FBXO11: variants seen among roughly 807,000 people sequenced by gnomAD.
The protein encoded by FBXO11 is F-box only protein 11.
In FBXO11, 13 loss-of-function variants were observed where a neutral mutation model predicts 117.0. That is an observed-to-expected ratio of 0.11 (90% confidence interval 0.07 to 0.18). The LOEUF is 0.18. FBXO11 is among the 10% of genes least tolerant of loss of function. The pLI is 1.00. For synonymous variants in FBXO11, 490 were observed against 380.5 expected (o/e 1.29, Z -3.35); for missense variants, 767 against 1,164.4 (o/e 0.66, Z 4.97).
intron 1 of FBXO11, among the ~76,000 whole-genome samples, chr2:47,880,161 A>G (rs1173583301): frequency 6.6e-6 from 1 of 151,966 alleles, no homozygotes; most frequent in Admixed American, 6.6e-5. Context: ...ATGTCCAGCT[A>G]ATTTTTTTGT....
At position 47,822,219 on chromosome 2, in the gene FBXO11, A is replaced by G. The variant is rs753056273; in HGVS notation, c.1701T>C (p.Tyr567=). ...TATAGAACAAAACCATACGCTTACC[A>G]TAAATGTCATTTCCTTCAATAAGGC... ...GRGLIEGNDI[Y]GNALAGIQIR... Residue 567 remains tyrosine (Y), a splice_region_variant and synonymous_variant, in exon 13 of 23, where the codon TAT becomes TAC. Transcript: ENST00000403359. 2 of 1,582,290 alleles carry G rather than the reference A, an allele frequency of 1.3e-6. No individual in the cohort carries two copies. Among genetic ancestry groups the G allele is most frequent in the Non-Finnish European group, 8.6e-7 (1 of 1,161,054 alleles).
intron 1 of FBXO11, among the ~76,000 whole-genome samples, chr2:47,841,245 TAA>T (rs1672990965): frequency 6.6e-6 from 1 of 152,054 alleles, no homozygotes; most frequent in Non-Finnish European, 1.5e-5. Flanking sequence ...TAACACCAAA[TAA>T]GCAAACACTT....
chr2:47,860,698 C>G (rs890830459), intron 1 of FBXO11, among the ~76,000 whole-genome samples: 1 of 151,698 alleles, frequency 6.6e-6, no homozygotes, highest in African/African-American at 2.4e-5. Context: ...TGAGCCACCA[C>G]GCCCAGCCTA....
At chr2:47,819,465 T>C (rs930450789) in intron 14 of FBXO11, among the ~76,000 whole-genome samples, 1 of 152,206 alleles carries the variant, frequency 6.6e-6, no homozygotes, top group Admixed American at 6.5e-5. Flanking sequence ...CCACCCGCGT[T>C]GGCCTCCCAA....
intron 1 of FBXO11, among the ~76,000 whole-genome samples, chr2:47,860,188 A>G (rs1309349099): frequency 6.6e-6 from 1 of 152,172 alleles, no homozygotes; most frequent in Non-Finnish European, 1.5e-5. Flanking sequence ...TCTTAGTGTT[A>G]AATGAAACTG....
At chr2:47,874,867 C>CTTTTTTTTTTTTTTTT (rs377037169) in intron 1 of FBXO11, among the ~76,000 whole-genome samples, 1 of 128,898 alleles carries the variant, frequency 7.8e-6, no homozygotes, top group Non-Finnish European at 1.6e-5. Flanking sequence ...TGTCTCAGGA[C>CTTTTTTTTTTTTTTTT]TTTTTTTTTT....
At chr2:47,845,978 C>T (rs2134056) in intron 1 of FBXO11, among the ~76,000 whole-genome samples, 22,674 of 151,790 alleles carry the variant, frequency 0.15, 1,811 homozygotes, top group Non-Finnish European at 0.17. Context: ...TATTTTTTGT[C>T]CCCTCCTGAA....
chr2:47,820,910 G>A (rs1671332651), intron 13 of FBXO11, among the ~76,000 whole-genome samples: 2 of 152,196 alleles, frequency 1.3e-5, no homozygotes, highest in East Asian at 1.9e-4. Context: ...TACCAGAAGC[G>A]AAAGCCCAGG....
At chr2:47,808,652 G>A (rs778933427) in intron 21 of FBXO11, 6 of 439,160 alleles carry the variant, frequency 1.4e-5, no homozygotes, top group Non-Finnish European at 2.4e-5. Flanking sequence ...TTGTATAAAG[G>A]CAGTTCTTTC....
chr2:47,905,455 G>T, intron 1 of FBXO11, 34 bp downstream of exon 1: 1 of 1,211,052 alleles, frequency 8.3e-7, no homozygotes, highest in Non-Finnish European at 1.0e-6. Context: ...CGGTGCCCGG[G>T]AAGGCGGGCG....
At chr2:47,812,268 T>A (rs1670671784) in intron 18 of FBXO11, among the ~76,000 whole-genome samples, 1 of 152,228 alleles carries the variant, frequency 6.6e-6, no homozygotes, top group Non-Finnish European at 1.5e-5. Flanking sequence ...CTCTAGCATC[T>A]GTATCATAGT....
intron 1 of FBXO11, among the ~76,000 whole-genome samples, chr2:47,858,289 C>T (rs1426296169): frequency 6.6e-6 from 1 of 151,470 alleles, no homozygotes; most frequent in African/African-American, 2.4e-5. Context: ...GGATTACAGG[C>T]GTGAGCCACC....
chr2:47,898,387 A>G (rs1038679133), intron 1 of FBXO11, among the ~76,000 whole-genome samples: 1 of 152,244 alleles, frequency 6.6e-6, no homozygotes, highest in Non-Finnish European at 1.5e-5. Flanking sequence ...CCATGGTGAG[A>G]AAAGAATATT....
chr2:47,830,763 A>C (rs1672119939), intron 11 of FBXO11, among the ~76,000 whole-genome samples: 1 of 152,132 alleles, frequency 6.6e-6, no homozygotes, highest in Non-Finnish European at 1.5e-5. Flanking sequence ...GGTGAACTTT[A>C]ATAAGGGACC....
chr2:47,867,057 C>T (rs1462562648), intron 1 of FBXO11, among the ~76,000 whole-genome samples: 1 of 152,116 alleles, frequency 6.6e-6, no homozygotes, highest in Non-Finnish European at 1.5e-5. Flanking sequence ...AATCTAATTG[C>T]TCCCAGGTTC....
chr2:47,905,905 G>A lies in FBXO11; in HGVS notation c.-185C>T, dbSNP rs1489014460. On this transcript the variant is annotated 5_prime_UTR_variant, in exon 1 of 23. Coordinates refer to ENST00000403359, the MANE Select transcript of FBXO11 (RefSeq NM_001190274.2). ...ACCCCGAGTCCGGAGAAAGGCCCGG[G>A]TAGACAGACGGAGACCGAGCGAGGC... is the stretch of plus-strand genomic sequence containing the variant. 3 of 660,736 alleles carry A rather than the reference G, an allele frequency of 4.5e-6. No individual in the cohort carries two copies. Among genetic ancestry groups the A allele is most frequent in the Non-Finnish European group, 7.1e-6 (3 of 423,470 alleles). 40.9% of individuals were successfully genotyped at this position (660,736 alleles called of 1,614,324 possible).
At chr2:47,878,959 C>CT (rs1445052005) in intron 1 of FBXO11, among the ~76,000 whole-genome samples, 1 of 145,132 alleles carries the variant, frequency 6.9e-6, no homozygotes, top group Non-Finnish European at 1.5e-5. Flanking sequence ...AAGCGAAACT[C>CT]TGTCTCAAAA....
At chr2:47,877,928 C>A (rs1423172536) in intron 1 of FBXO11, among the ~76,000 whole-genome samples, 1 of 152,194 alleles carries the variant, frequency 6.6e-6, no homozygotes, top group African/African-American at 2.4e-5. Context: ...CATCATCCGC[C>A]TGCCTCGGCC....
Position 47,838,910 on chromosome 2 carries a change from G to C in FBXO11, c.536C>G (p.Ala179Gly), listed in dbSNP as rs1371560435. The C allele has an allele frequency of 3.1e-6, 5 of 1,614,014 alleles. No homozygotes were observed. Among genetic ancestry groups the C allele is most frequent in the Non-Finnish European group, 4.2e-6 (5 of 1,179,938 alleles). Residue 179 changes from alanine (A) to glycine (G), a missense_variant, in exon 4 of 23, where the codon GCA (alanine) becomes GGA (glycine). By Grantham distance (60) the Ala-to-Gly change is moderately conservative. This residue lies in a region of FBXO11 where 355 missense variants were observed against 299.8 expected (regional missense o/e 1.18). Coordinates refer to ENST00000403359, the MANE Select transcript of FBXO11 (RefSeq NM_001190274.2). ...SYLLEQDLCR[A>G]ACVCKRFSEL... Reference sequence around the variant, plus strand: ...ACTGAAGCGTTTACATACACAAGCTGCTCTACAAAGATCCTGTTCCAGCAA... The same window carrying C: ...ACTGAAGCGTTTACATACACAAGCTCCTCTACAAAGATCCTGTTCCAGCAA...
Sources: allele counts gnomAD v4.1 joint callset (sites outside exome capture counted in the v4.1 genomes callset), GRCh38; gene constraint gnomAD v4.1.1; regional missense constraint gnomAD v4.1.1; transcripts MANE v1.5; gene names NCBI Gene and HGNC (gene_info 2026-07-23, HGNC 2026-07-21).